Variants in TRIM22 observed in about 807,000 individuals in gnomAD.
TRIM22 encodes E3 ubiquitin-protein ligase TRIM22.
In TRIM22, 45 loss-of-function variants were observed where a neutral mutation model predicts 53.6. That is an observed-to-expected ratio of 0.84 (90% CI 0.66 to 1.08). The LOEUF (loss-of-function observed/expected upper bound fraction) is 1.08, where lower values mean the gene tolerates loss of function less well. TRIM22 is among the 50% of genes least tolerant of loss of function. TRIM22 has a pLI of 0.00. For synonymous variants in TRIM22, 225 were observed against 216.6 expected (o/e 1.04, Z -0.34); for missense variants, 616 against 590.9 (o/e 1.04, Z -0.44).
Position 5,699,386 on chromosome 11 carries a change from C to T in TRIM22, c.750+841C>T, listed in dbSNP as rs769251916. ...AAAAATACAAAAAATTAGCCGGGCGCGGTGGCGGGCGCCTGTAGTCCCAGC... is the reference window on the plus strand; with the variant it reads ...AAAAATACAAAAAATTAGCCGGGCGTGGTGGCGGGCGCCTGTAGTCCCAGC... On this transcript the variant is annotated intron_variant, in intron 4 of 7. Coordinates refer to ENST00000379965, the MANE Select transcript of TRIM22 (RefSeq NM_006074.5). Among the ~76,000 whole-genome samples the T allele has an allele frequency of 1.2e-4, 17 of 143,194 alleles. 1 individual carries two copies. The East Asian group carries it at 2.6e-3, about 22-fold the overall frequency. The allele number at this position is 143,194 out of a possible 152,430, so 93.9% of individuals were successfully genotyped here. A position where few individuals can be genotyped will look rare whatever the true frequency, so the allele number is the denominator to read the frequency against.
chr11:5,703,607 G>A (rs138046519), intron 4 of TRIM22, among the ~76,000 whole-genome samples: 7,449 of 151,960 alleles, frequency 0.049, 243 homozygotes, highest in Non-Finnish European at 0.074. Flanking sequence ...GGACAGTCTC[G>A]ATCTCCTGAC....
intron 1 of TRIM22, among the ~76,000 whole-genome samples, chr11:5,692,793 C>CAA (rs749260436): frequency 0.046 from 4,430 of 95,660 alleles, 122 homozygotes; most frequent in Non-Finnish European, 0.062. Flanking sequence ...GACCTTGTCT[C>CAA]AAAAAAAAAA....
chr11:5,709,160 T>C lies in TRIM22; in HGVS notation c.1009T>C (p.Cys337Arg). 3 of 1,614,172 alleles carry C rather than the reference T, an allele frequency of 1.9e-6. No individual in the cohort carries two copies. Among genetic ancestry groups the C allele is most frequent in the South Asian group, 1.1e-5 (1 of 91,088 alleles). The change falls in exon 8 of 8, where the codon TGT becomes CGT. Residue 337 changes from cysteine to arginine, a missense_variant. Transcript: ENST00000379965. ...RTCTFKNSNP[C>R]DFSAFGVFGC... is the part of the protein sequence containing the mutation. ...CTGCACATTTAAGAATTCAAATCCA[T>C]GTGATTTTTCTGCTTTTGGTGTCTT...
chr11:5,701,945 C>CT (rs1012727594), intron 4 of TRIM22, among the ~76,000 whole-genome samples: 3 of 151,480 alleles, frequency 2.0e-5, no homozygotes, highest in Admixed American at 1.3e-4. Context: ...TTGCTCTTTG[C>CT]TTTTTTTTCC....
chr11:5,695,000 T>C (rs1021478445), intron 1 of TRIM22, among the ~76,000 whole-genome samples: 6 of 152,172 alleles, frequency 3.9e-5, no homozygotes, highest in Admixed American at 3.9e-4. Flanking sequence ...TATGGAGGGA[T>C]AAGGAAGTTG....
At position 5,709,380 on chromosome 11, in the gene TRIM22, T is replaced by A. The variant is rs779583116; in HGVS notation, c.1229T>A (p.Ile410Lys). Residue 410 changes from isoleucine to lysine, a missense_variant, in exon 8 of 8, where the codon ATA becomes AAA. Coordinates refer to ENST00000379965, the MANE Select transcript of TRIM22 (RefSeq NM_006074.5). ...RYRPQYGYWV[I>K]GLQNTCEYNA... ...AGACCTCAATATGGCTACTGGGTTA[T>A]AGGATTACAGAATACATGTGAATAT... The A allele has an allele frequency of 6.2e-7, 1 of 1,614,208 alleles. No individual in the cohort carries two copies. Among genetic ancestry groups the A allele is most frequent in the African/African-American group, 1.3e-5 (1 of 75,050 alleles).
intron 1 of TRIM22, 32 bp from the exon 2 acceptor site, chr11:5,696,135 T>A (rs1246634247): frequency 1.8e-6 from 2 of 1,134,888 alleles, no homozygotes; most frequent in African/African-American, 3.1e-5. Flanking sequence ...CTATTCCTTC[T>A]TTTCTTACCC....
At chr11:5,691,146 C>T (rs1013696465) in intron 1 of TRIM22, 1 of 152,260 alleles carries the variant, frequency 6.6e-6, no homozygotes, top group African/African-American at 2.4e-5. Context: ...GTAGCAGGAC[C>T]AGCCACAGAA....
chr11:5,695,199 G>A (rs1199010145), intron 1 of TRIM22, among the ~76,000 whole-genome samples: 1 of 152,182 alleles, frequency 6.6e-6, no homozygotes, highest in Non-Finnish European at 1.5e-5. Flanking sequence ...TGTGCAGTGA[G>A]TGACAGTACT....
chr11:5,708,445 A>C (rs1853499037), intron 6 of TRIM22, 132 bp from the exon 7 acceptor site: 3 of 1,017,816 alleles, frequency 2.9e-6, no homozygotes, highest in Non-Finnish European at 4.3e-6. Context: ...CAGGTGTCTG[A>C]TTCATCCTCT....
Position 5,709,097 on chromosome 11 carries a change from A to T in TRIM22, c.946A>T (p.Ile316Phe), listed in dbSNP as rs760987024. 6.2e-7 allele frequency: 1 copy of T among 1,614,068 alleles called. No individual in the cohort carries two copies. The highest frequency in any genetic ancestry group is 1.1e-5 in the South Asian group (1 of 91,082). Residue 316 changes from isoleucine to phenylalanine, a missense_variant, in exon 8 of 8, where the codon ATT becomes TTT. Physicochemically the swap from Ile to Phe is conservative, Grantham distance 21. Transcript: ENST00000379965. ...AGGCAGTGCCACTTCGAATGTTGCT[A>T]TTTCTGTGGATCAGAGACAAGTGAA... ...NPGSATSNVA[I>F]SVDQRQVKTV...
Position 5,709,808 on chromosome 11 carries a change from C to A in TRIM22, c.*160C>A. 1.5e-6 allele frequency: 1 copy of A among 658,464 alleles called. No homozygotes were observed. Among genetic ancestry groups the A allele is most frequent in the Non-Finnish European group, 2.6e-6 (1 of 389,598 alleles). 40.8% of individuals were successfully genotyped at this position (658,464 alleles called of 1,614,324 possible). A position where few individuals can be genotyped will look rare whatever the true frequency, so the allele number is the denominator to read the frequency against. On this transcript the variant is annotated 3_prime_UTR_variant, in exon 8 of 8. Transcript: ENST00000379965. ...ATTTGCTAGGGCTTCCATAGCAAAG[C>A]ATCATAGATTGCTGATTTAAACTGT...
chr11:5,708,716 CTTT>C (rs35592896), intron 7 of TRIM22, 113 bp downstream of exon 7: 4,563 of 600,840 alleles, frequency 7.6e-3, no homozygotes, highest in South Asian at 0.01. Context: ...CCATGTAGTT[CTTT>C]TTTTTTTTTT....
At chr11:5,695,427 C>T (rs1042868417) in intron 1 of TRIM22, among the ~76,000 whole-genome samples, 73 of 151,956 alleles carry the variant, frequency 4.8e-4, no homozygotes, top group Non-Finnish European at 8.8e-5. Flanking sequence ...AGGAGATAAA[C>T]CTTAACAGTA....
chr11:5,698,489 A>T lies in TRIM22; in HGVS notation c.694A>T (p.Thr232Ser), dbSNP rs2291843. The T allele has an allele frequency of 6.2e-7, 1 of 1,614,048 alleles. No individual in the cohort carries two copies. ...GGTCCAGCAGAGGCAGGATGCCAGC[A>T]CGCTCATCTCAGATCTCCAGCGGAG... Reference protein sequence around the residue: ...QLVQQRQDASTLISDLQRRLR... With the variant: ...QLVQQRQDASSLISDLQRRLR... The change falls in exon 4 of 8, where the codon ACG becomes TCG. Residue 232 changes from threonine to serine, a missense_variant. By Grantham distance (58) the Thr-to-Ser change is moderately conservative (BLOSUM62 1). Transcript: ENST00000379965.
intron 7 of TRIM22, 151 bp from the exon 8 acceptor site, chr11:5,708,902 C>A: frequency 1.5e-6 from 1 of 676,840 alleles, no homozygotes; most frequent in Non-Finnish European, 2.5e-6. Context: ...GTCTTACACC[C>A]TGTATTTCTT....
At chr11:5,705,283 T>G (rs567093723) in intron 4 of TRIM22, among the ~76,000 whole-genome samples, 1 of 152,312 alleles carries the variant, frequency 6.6e-6, no homozygotes, top group South Asian at 2.1e-4. Flanking sequence ...CTGATGGGTA[T>G]CATATCAGGG....
chr11:5,692,073 G>C (rs751225995), intron 1 of TRIM22, among the ~76,000 whole-genome samples: 1 of 152,016 alleles, frequency 6.6e-6, no homozygotes. Flanking sequence ...ATTAAATACC[G>C]GTAAGAGATT....
rs1853263643 is a variant in TRIM22, at chr11:5,696,503, G to A, written c.271G>A (p.Gly91Arg). The change falls in exon 2 of 8, where the codon GGG becomes AGG. Residue 91 changes from glycine to arginine, a missense_variant. Gly to Arg is a moderately radical substitution (Grantham distance 125). Coordinates refer to ENST00000379965, the MANE Select transcript of TRIM22 (RefSeq NM_006074.5). ...VKEVKMSPQE[G>R]QKRDVCEHHG... ...AGAGGTCAAGATGAGCCCACAGGAG[G>A]GGCAGAAGAGAGATGTCTGTGAGCA... 26 of 1,614,126 alleles carry A rather than the reference G, an allele frequency of 1.6e-5. No individual in the cohort carries two copies. The highest frequency in any genetic ancestry group is 2.2e-5 in the Non-Finnish European group (26 of 1,180,054).
Sources: allele counts gnomAD v4.1 joint callset (sites outside exome capture counted in the v4.1 genomes callset), GRCh38; gene constraint gnomAD v4.1.1; transcripts MANE v1.5; gene names NCBI Gene and HGNC (gene_info 2026-07-23, HGNC 2026-07-21).